Variants in RAMP1 observed in about 807,000 individuals in gnomAD.
RAMP1 encodes the protein receptor activity modifying protein 1.
Under a neutral mutation model 8.2 loss-of-function variants are expected in RAMP1, and 7 were observed. The observed-to-expected ratio is 0.85, with a 90% confidence interval of 0.49 to 1.60. The LOEUF (loss-of-function observed/expected upper bound fraction) is 1.60. Ranked by LOEUF, RAMP1 falls within the 40% of genes most tolerant of loss-of-function variation. RAMP1 has a pLI of 0.00. For synonymous variants in RAMP1, 92 were observed against 84.7 expected (o/e 1.09, Z -0.47); for missense variants, 192 against 202.4 (o/e 0.95, Z 0.31).
intron 2 of RAMP1, among the ~76,000 whole-genome samples, chr2:237,882,450 G>A (rs2062380105): frequency 6.6e-6 from 1 of 152,220 alleles, no homozygotes. Context: ...TGGCGGAGGT[G>A]GGGCTGTTGT....
intron 2 of RAMP1, among the ~76,000 whole-genome samples, chr2:237,892,618 C>T (rs938878908): frequency 1.3e-5 from 2 of 152,136 alleles, no homozygotes; most frequent in Non-Finnish European, 2.9e-5. Flanking sequence ...TTCAACCAGC[C>T]ATGAAATGTG....
chr2:237,892,939 C>T (rs868576920), intron 2 of RAMP1, among the ~76,000 whole-genome samples: 48 of 152,312 alleles, frequency 3.2e-4, no homozygotes, highest in South Asian at 2.1e-4. Flanking sequence ...TCTGATAGGG[C>T]TCTTGTTTAC....
At chr2:237,903,855 C>T (rs144478925) in intron 2 of RAMP1, among the ~76,000 whole-genome samples, 385 of 152,254 alleles carry the variant, frequency 2.5e-3, no homozygotes, top group African/African-American at 8.7e-3. Context: ...CCACCACGCC[C>T]GGCTAATTTT....
intron 2 of RAMP1, among the ~76,000 whole-genome samples, chr2:237,902,960 C>T (rs1202767515): frequency 6.6e-6 from 1 of 152,188 alleles, no homozygotes; most frequent in Non-Finnish European, 1.5e-5. Flanking sequence ...CCATGTGGAC[C>T]ATTTTACCCC....
intron 1 of RAMP1, chr2:237,874,734 T>G: frequency 3.1e-6 from 3 of 968,242 alleles, no homozygotes; most frequent in Non-Finnish European, 3.7e-6. Flanking sequence ...CTGGCTCATT[T>G]GACAAATATG....
At chr2:237,870,265 A>C (rs1485465169) in intron 1 of RAMP1, among the ~76,000 whole-genome samples, 1 of 152,182 alleles carries the variant, frequency 6.6e-6, no homozygotes, top group African/African-American at 2.4e-5. Context: ...GCCTGCCCCG[A>C]GGGCCTGGTG....
At chr2:237,891,559 C>T (rs893364963) in intron 2 of RAMP1, among the ~76,000 whole-genome samples, 2 of 152,114 alleles carry the variant, frequency 1.3e-5, no homozygotes, top group South Asian at 4.1e-4. Flanking sequence ...TCTGTTTGTT[C>T]TTAATCTCTT....
At chr2:237,874,886 AG>A (rs1423878680) in intron 1 of RAMP1, among the ~76,000 whole-genome samples, 1 of 133,124 alleles carries the variant, frequency 7.5e-6, no homozygotes, top group Non-Finnish European at 1.6e-5. Flanking sequence ...GGACAGGGTA[AG>A]GGGGCAGGCT....
At chr2:237,873,483 C>A (rs1159287192) in intron 1 of RAMP1, among the ~76,000 whole-genome samples, 1 of 152,212 alleles carries the variant, frequency 6.6e-6, no homozygotes, top group Non-Finnish European at 1.5e-5. Flanking sequence ...TTTGGGGTGC[C>A]TGCTATGCAT....
chr2:237,871,684 AT>A (rs1228011774), intron 1 of RAMP1, among the ~76,000 whole-genome samples: 1 of 152,184 alleles, frequency 6.6e-6, no homozygotes, highest in African/African-American at 2.4e-5. Context: ...CGCCAGTAAA[AT>A]AATCTGGACA....
intron 2 of RAMP1, among the ~76,000 whole-genome samples, chr2:237,908,552 C>G (rs1031749987): frequency 1.3e-5 from 2 of 152,090 alleles, no homozygotes; most frequent in Non-Finnish European, 2.9e-5. Flanking sequence ...ATTCTCTTGC[C>G]TCAGACTCCC....
At position 237,877,409 on chromosome 2, in the gene RAMP1, AGG is replaced by A. The variant is rs762621127; in HGVS notation, c.191+51_191+52del. ...GGGCAGGACACGGTTGGGGAGGGAG[AGG>A]GGGCAAGCGGAGGAGGAGTGGACCA... On this transcript the variant is annotated intron_variant, in intron 2 of 2. Transcript: ENST00000254661. The surrounding 1 kb of genome is among the most constrained non-coding windows in gnomAD (Gnocchi z 4.4). 32 of 1,583,120 alleles carry A rather than the reference AGG, an allele frequency of 2.0e-5. No homozygotes were observed. The highest frequency in any genetic ancestry group is 1.9e-4 in the Admixed American group (11 of 57,550).
At position 237,900,154 on chromosome 2, in the gene RAMP1, TTTTG is replaced by T. The variant is rs2062583289; in HGVS notation, c.192-11370_192-11367del. ...TTCTTTTTCTTTTCTGTTTTTTGTT[TTTTG>T]TTTATTTGTTTGTTTGTTTAGGACA... On this transcript the variant is annotated intron_variant, in intron 2 of 2. Transcript: ENST00000254661. Among the ~76,000 whole-genome samples the T allele has an allele frequency of 2.0e-5, 3 of 152,214 alleles. No individual in the cohort carries two copies. In the South Asian group the frequency reaches 6.2e-4, roughly 31 times the overall value.
At chr2:237,902,404 C>T (rs1208335610) in intron 2 of RAMP1, among the ~76,000 whole-genome samples, 2 of 148,922 alleles carry the variant, frequency 1.3e-5, no homozygotes, top group Admixed American at 6.7e-5. Flanking sequence ...AGAGGAGGGG[C>T]CAGAAGGACA....
intron 2 of RAMP1, among the ~76,000 whole-genome samples, chr2:237,887,228 C>G (rs1311969420): frequency 1.3e-5 from 2 of 152,136 alleles, no homozygotes; most frequent in Non-Finnish European, 2.9e-5. Context: ...TCACTCCAGC[C>G]CCCAGGCTGG....
intron 1 of RAMP1, chr2:237,860,064 C>G (rs1442444505): frequency 5.0e-6 from 1 of 201,082 alleles, no homozygotes; most frequent in African/African-American, 2.3e-5. Context: ...ACGCGGGGTT[C>G]CCCAGCCCCG....
In RAMP1 at chr2:237,877,371, C is replaced by T. The variant is rs1207312296; in HGVS notation, c.191+9C>T. The T allele has an allele frequency of 1.9e-6, 3 of 1,609,000 alleles. No homozygotes were observed. The Admixed American group carries it at 5.0e-5, about 27-fold the overall frequency. ...TGGGGCAGGACCATCAGGTGAGTCC[C>T]ATGGCCCCTGGTGGGCAGGACACGG... On this transcript the variant is annotated intron_variant, in intron 2 of 2. Coordinates refer to ENST00000254661, the MANE Select transcript of RAMP1 (RefSeq NM_005855.4). This position sits in a 1 kb window ranked among gnomAD's most constrained non-coding sequence, Gnocchi z 4.4.
At position 237,862,055 on chromosome 2, in the gene RAMP1, G is replaced by A. The variant is rs2062138443; in HGVS notation, c.52+2328G>A. ...CTTCACTCAGGGAATGCTGGCTGGT[G>A]CTGTCACACATGAACTCAGTCACCT... On this transcript the variant is annotated intron_variant, in intron 1 of 2. Coordinates refer to ENST00000254661, the MANE Select transcript of RAMP1 (RefSeq NM_005855.4). This position sits in a 1 kb window ranked among gnomAD's most constrained non-coding sequence, Gnocchi z 4.0. Among the ~76,000 whole-genome samples the A allele has an allele frequency of 6.6e-6, 1 of 152,074 alleles. No homozygotes were observed. The highest frequency in any genetic ancestry group is 1.5e-5 in the Non-Finnish European group (1 of 68,024).
intron 2 of RAMP1, among the ~76,000 whole-genome samples, chr2:237,881,144 A>G (rs1228699857): frequency 1.3e-5 from 2 of 152,112 alleles, no homozygotes; most frequent in African/African-American, 2.4e-5. Context: ...CTTCTTTCTT[A>G]TATAAAGGGT....
Sources: gnomAD v4.1 joint callset for allele counts (sites outside exome capture counted in the v4.1 genomes callset) on GRCh38, gnomAD v4.1.1 for gene constraint, Gnocchi (gnomAD v3.1) non-coding constraint, MANE v1.5 for transcripts, NCBI Gene and HGNC (gene_info 2026-07-23, HGNC 2026-07-21) for gene names.